GALNT13: variants seen among roughly 807,000 people sequenced by gnomAD.
GALNT13 encodes polypeptide N-acetylgalactosaminyltransferase 13, also known as UDP-GalNAc:polypeptide N-acetylgalactosaminyltransferase 13.
A neutral mutation model predicts 64.2 loss-of-function variants in GALNT13; 28 were observed. That is an observed-to-expected ratio of 0.44 (90% CI 0.32 to 0.60). The LOEUF (loss-of-function observed/expected upper bound fraction) is 0.60. GALNT13 is among the 20% of genes least tolerant of loss of function. GALNT13 has a pLI of 0.05. For synonymous variants in GALNT13, 214 were observed against 224.6 expected (o/e 0.95, Z 0.42); for missense variants, 577 against 669.8 (o/e 0.86, Z 1.53).
In GALNT13 at chr2:154,409,017, A is replaced by G; in HGVS notation, c.1330A>G (p.Asn444Asp). The change falls in exon 11 of 13, where the codon AAC (asparagine) becomes GAC (aspartate). Residue 444 changes from asparagine (N) to aspartate (D), a missense_variant. Around this residue, in one of 3 missense-constraint regions of GALNT13, gnomAD observed 232 missense variants for 270.6 expected, o/e 0.86. Transcript: ENST00000392825. ...RNVETNQCLDNMGRKENEKVG... is the reference protein window; with the variant it reads ...RNVETNQCLDDMGRKENEKVG... Reference sequence around the variant, plus strand: ...TGTTGAAACCAATCAGTGTTTAGACAACATGGGCCGCAAGGAAAATGAAAA... The same window carrying G: ...TGTTGAAACCAATCAGTGTTTAGACGACATGGGCCGCAAGGAAAATGAAAA... The G allele has an allele frequency of 6.2e-7, 1 of 1,611,502 alleles. No homozygotes were observed. Among genetic ancestry groups the G allele is most frequent in the South Asian group, 1.1e-5 (1 of 91,028 alleles).
At chr2:154,275,118 A>T in intron 8 of GALNT13, among the ~76,000 whole-genome samples, 1 of 152,178 alleles carries the variant, frequency 6.6e-6, no homozygotes, top group Admixed American at 6.5e-5. Context: ...CAGACCATTT[A>T]AGAAGAAGCA....
At chr2:154,167,463 T>TA (rs967817260) in intron 4 of GALNT13, among the ~76,000 whole-genome samples, 13 of 151,998 alleles carry the variant, frequency 8.6e-5, no homozygotes, top group Admixed American at 4.6e-4. Flanking sequence ...TTTGAAAGGC[T>TA]AAAAAAAAGG....
At chr2:153,819,528 G>C in the GALNT13 span, among the ~76,000 whole-genome samples, 1 of 152,156 alleles carries the variant, frequency 6.6e-6, no homozygotes, top group Non-Finnish European at 1.5e-5. Context: ...CTTGCCATCA[G>C]GACATTTGTG....
intron 3 of GALNT13, among the ~76,000 whole-genome samples, chr2:154,067,032 CTGTT>C (rs879723534): frequency 2.5e-4 from 38 of 152,048 alleles, no homozygotes; most frequent in African/African-American, 8.2e-4. Context: ...ATTGCTTTTC[CTGTT>C]TGTTTGCTTG....
At chr2:153,314,245 C>G in the GALNT13 span, among the ~76,000 whole-genome samples, 1 of 152,130 alleles carries the variant, frequency 6.6e-6, no homozygotes, top group Admixed American at 6.5e-5. Context: ...GGTCTGAGGA[C>G]AGGTTAAAAA....
chr2:154,120,187 A>G (rs1266600000), intron 3 of GALNT13, among the ~76,000 whole-genome samples: 3 of 152,108 alleles, frequency 2.0e-5, no homozygotes, highest in Non-Finnish European at 4.4e-5. Context: ...TCGGTTTTCC[A>G]GTTGGCTTGG....
At chr2:153,863,032 T>A in the GALNT13 span, among the ~76,000 whole-genome samples, 1 of 152,148 alleles carries the variant, frequency 6.6e-6, no homozygotes. Context: ...AGGTGAATTT[T>A]ATCCATATCG....
intron 2 of GALNT13, among the ~76,000 whole-genome samples, chr2:153,943,535 C>T (rs2105382945): frequency 6.6e-6 from 1 of 151,818 alleles, no homozygotes; most frequent in East Asian, 1.9e-4. Context: ...GCTCTTGTCA[C>T]CCAGACTGGA....
At chr2:153,414,391 A>AT in the GALNT13 span, among the ~76,000 whole-genome samples, 2 of 151,808 alleles carry the variant, frequency 1.3e-5, no homozygotes, top group African/African-American at 4.8e-5. Context: ...AAAAATAAAA[A>AT]AAAAATAAAA....
intron 1 of GALNT13, among the ~76,000 whole-genome samples, chr2:153,889,446 A>T (rs1334901315): frequency 2.0e-5 from 3 of 152,012 alleles, no homozygotes; most frequent in Non-Finnish European, 4.4e-5. Context: ...AACACACTCT[A>T]AAACTACTAC....
chr2:154,385,120 G>T (rs190748644), intron 9 of GALNT13, among the ~76,000 whole-genome samples: 79 of 151,986 alleles, frequency 5.2e-4, no homozygotes, highest in Admixed American at 1.4e-3. Flanking sequence ...ATAGTATGTG[G>T]CATATAACTG....
At chr2:153,163,474 T>A in the GALNT13 span, among the ~76,000 whole-genome samples, 2 of 152,178 alleles carry the variant, frequency 1.3e-5, no homozygotes, top group East Asian at 3.9e-4. Context: ...GACTTCTTCC[T>A]CAACAAATGG....
At chr2:154,140,737 A>G (rs368078552) in intron 4 of GALNT13, among the ~76,000 whole-genome samples, 29 of 152,272 alleles carry the variant, frequency 1.9e-4, no homozygotes, top group African/African-American at 6.5e-4. Flanking sequence ...CAGGCCAAAC[A>G]GGTTTTTCTA....
chr2:153,183,363 T>C, the GALNT13 span, among the ~76,000 whole-genome samples: 4 of 152,236 alleles, frequency 2.6e-5, no homozygotes, highest in African/African-American at 9.6e-5. Flanking sequence ...TTGTTGACTC[T>C]AGGTATTAGA....
At chr2:154,136,075 T>C (rs1257710087) in intron 3 of GALNT13, among the ~76,000 whole-genome samples, 1 of 152,202 alleles carries the variant, frequency 6.6e-6, no homozygotes, top group Non-Finnish European at 1.5e-5. Flanking sequence ...AGTATGAATA[T>C]TCAAATATGA....
chr2:154,079,273 A>G (rs1280728434), intron 3 of GALNT13, among the ~76,000 whole-genome samples: 1 of 151,672 alleles, frequency 6.6e-6, no homozygotes, highest in African/African-American at 2.4e-5. Context: ...GGATATCATT[A>G]AAAAGCTTTT....
At chr2:154,078,874 T>C (rs1701124848) in intron 3 of GALNT13, among the ~76,000 whole-genome samples, 1 of 151,684 alleles carries the variant, frequency 6.6e-6, no homozygotes. Context: ...AGTTACTCAA[T>C]TTCTCTGTGC....
chr2:153,529,163 C>T, the GALNT13 span, among the ~76,000 whole-genome samples: 1 of 151,640 alleles, frequency 6.6e-6, no homozygotes, highest in Admixed American at 6.6e-5. Context: ...ACAAAACTTA[C>T]AAACTTTTAG....
the GALNT13 span, among the ~76,000 whole-genome samples, chr2:153,085,153 A>G: frequency 1.3e-5 from 2 of 152,066 alleles, no homozygotes; most frequent in Non-Finnish European, 2.9e-5. Flanking sequence ...CTTGAGAGAG[A>G]TGATTTAGGG....
Sources: allele counts gnomAD v4.1 joint callset (sites outside exome capture counted in the v4.1 genomes callset), GRCh38; gene constraint gnomAD v4.1.1; regional missense constraint gnomAD v4.1.1; transcripts MANE v1.5; gene names NCBI Gene and HGNC (gene_info 2026-07-23, HGNC 2026-07-21).